The following HMGA2 variants were observed in gnomAD, a reference collection of about 807,000 sequenced individuals.
HMGA2 encodes the protein high mobility group AT-hook 2, also known as high mobility group protein HMGI-C.
A neutral mutation model predicts 19.1 loss-of-function variants in HMGA2; 8 were observed. That is an observed-to-expected ratio of 0.42 (90% confidence interval 0.25 to 0.76). The LOEUF (loss-of-function observed/expected upper bound fraction) is 0.76. Ranked by LOEUF, HMGA2 falls within the 30% of genes least tolerant of loss-of-function variation. The probability of loss-of-function intolerance (pLI) is 0.28; values close to 1 mark genes in which losing one functional copy is unlikely to be tolerated. For missense variants in HMGA2, 109 were observed against 136.3 expected, an observed-to-expected ratio of 0.80 and a Z score of 1.00; for synonymous variants, 60 against 48.8, an observed-to-expected ratio of 1.23 and a Z score of -0.96.
intron 4 of HMGA2, among the ~76,000 whole-genome samples, chr12:65,959,599 T>C (rs1876694290): frequency 1.3e-5 from 2 of 152,292 alleles, no homozygotes; most frequent in African/African-American, 4.8e-5. Context: ...ACCGTGCACT[T>C]GCACTTTGAA....
chr12:65,928,090 G>A (rs368191799), intron 3 of HMGA2, among the ~76,000 whole-genome samples: 26 of 151,846 alleles, frequency 1.7e-4, no homozygotes, highest in African/African-American at 5.6e-4. Flanking sequence ...TGTTGTGTTA[G>A]CATCAAAGAG....
intron 3 of HMGA2, among the ~76,000 whole-genome samples, chr12:65,913,931 A>G (rs888839353): frequency 6.6e-5 from 10 of 152,328 alleles, no homozygotes; most frequent in African/African-American, 2.4e-4. Context: ...CTAGGGTTGA[A>G]CACAATGTTG....
intron 1 of HMGA2, 37 bp from the exon 2 acceptor site, chr12:65,827,964 C>A: frequency 1.4e-6 from 2 of 1,426,164 alleles, no homozygotes; most frequent in Non-Finnish European, 2.0e-6. Flanking sequence ...TTCAGACATT[C>A]TTGCCACAAC....
At chr12:65,888,854 C>T (rs1240132052) in intron 3 of HMGA2, among the ~76,000 whole-genome samples, 6 of 147,106 alleles carry the variant, frequency 4.1e-5, no homozygotes, top group Non-Finnish European at 9.0e-5. Context: ...TGAGCCACGG[C>T]GCCCGGCCCC....
intron 3 of HMGA2, among the ~76,000 whole-genome samples, chr12:65,851,176 T>C (rs1378398751): frequency 6.6e-6 from 1 of 152,168 alleles, no homozygotes. Context: ...ATATCTCCAT[T>C]GTAGTTTCAG....
chr12:65,842,194 T>C (rs1871031215), intron 3 of HMGA2: 1 of 918,154 alleles, frequency 1.1e-6, no homozygotes, highest in Non-Finnish European at 1.5e-6. Context: ...GTCACTTAGC[T>C]AACTGGAGTC....
chr12:65,911,593 T>C (rs1565730006), intron 3 of HMGA2, among the ~76,000 whole-genome samples: 2 of 152,136 alleles, frequency 1.3e-5, no homozygotes. Flanking sequence ...ATTCCTTCTA[T>C]TCTCTTAGCA....
Position 65,825,613 on chromosome 12 carries a change from G to A in HMGA2, c.111+232G>A, listed in dbSNP as rs1347429039. ...AGCCGCGGCGGGCGGCCCGGGGAAG[G>A]CGGGAGGTGGGGTCGGGCGAAGCGC... On this transcript the variant is annotated intron_variant, in intron 1 of 4. Coordinates refer to ENST00000403681, the MANE Select transcript of HMGA2 (RefSeq NM_003483.6). This position sits in a 1 kb window ranked among gnomAD's most constrained non-coding sequence, Gnocchi z 4.4. Among the ~76,000 whole-genome samples, 1 of 151,726 alleles carries A rather than the reference G, an allele frequency of 6.6e-6. No homozygotes were observed. Among genetic ancestry groups the A allele is most frequent in the Non-Finnish European group, 1.5e-5 (1 of 67,860 alleles).
chr12:65,952,558 T>C, intron 4 of HMGA2: 3 of 1,371,326 alleles, frequency 2.2e-6, no homozygotes, highest in Non-Finnish European at 9.5e-7. Context: ...GCTGCTCCCA[T>C]ACCTAAAAGC....
intron 3 of HMGA2, among the ~76,000 whole-genome samples, chr12:65,900,403 A>T (rs1279507053): frequency 6.6e-6 from 1 of 152,208 alleles, no homozygotes; most frequent in Non-Finnish European, 1.5e-5. Flanking sequence ...GGTGTTTTCA[A>T]GCAAGGTAGA....
chr12:65,913,660 GT>G lies in HMGA2; in HGVS notation c.250-37721del, dbSNP rs543181798. 4.5e-3 allele frequency among the ~76,000 whole-genome samples: 690 copies of G among 152,260 alleles called. 3 individuals carry two copies. The highest frequency in any genetic ancestry group is 8.0e-3 in the Non-Finnish European group (541 of 68,022). On this transcript the variant is annotated intron_variant, in intron 3 of 4. Coordinates refer to ENST00000403681, the MANE Select transcript of HMGA2 (RefSeq NM_003483.6). ...TAATTGAAAGAATATGGACTGTGTA[GT>G]TAGACCTAGGTTTGAATCTGGGCCG...
At chr12:65,943,714 A>G (rs535751538) in intron 3 of HMGA2, among the ~76,000 whole-genome samples, 13 of 152,204 alleles carry the variant, frequency 8.5e-5, no homozygotes, top group Non-Finnish European at 1.5e-4. Context: ...GAGACTTTGT[A>G]CAGAGAACTA....
chr12:65,887,578 C>G (rs916415883), intron 3 of HMGA2, among the ~76,000 whole-genome samples: 1 of 151,952 alleles, frequency 6.6e-6, no homozygotes, highest in Non-Finnish European at 1.5e-5. Context: ...CAAAAATTGG[C>G]TGGGCATGGT....
At chr12:65,857,333 G>T (rs1871793785) in intron 3 of HMGA2, 1 of 152,186 alleles carries the variant, frequency 6.6e-6, no homozygotes, top group Admixed American at 6.5e-5. Flanking sequence ...GTGTCACAGA[G>T]CACCAGCACT....
chr12:65,894,001 G>A (rs1376831136), intron 3 of HMGA2, among the ~76,000 whole-genome samples: 1 of 152,048 alleles, frequency 6.6e-6, no homozygotes, highest in East Asian at 1.9e-4. Flanking sequence ...TACATAGAGG[G>A]GAGTAAAAAC....
Position 65,825,552 on chromosome 12 carries a change from C to T in HMGA2, c.111+171C>T, listed in dbSNP as rs1278921265. 2.0e-5 allele frequency among the ~76,000 whole-genome samples: 3 copies of T among 150,576 alleles called. No individual in the cohort carries two copies. Among genetic ancestry groups the T allele is most frequent in the Non-Finnish European group, 4.4e-5 (3 of 67,604 alleles). ...ACCCCACGAGTGCGCCGCGCGGCCC[C>T]GGGGCGCCAGCAACCCTCCGGGCGG... On this transcript the variant is annotated intron_variant, in intron 1 of 4. Coordinates refer to ENST00000403681, the MANE Select transcript of HMGA2 (RefSeq NM_003483.6). The surrounding 1 kb of genome is among the most constrained non-coding windows in gnomAD (Gnocchi z 4.4).
chr12:65,914,498 T>TGGGGGGA (rs1283503779), intron 3 of HMGA2, among the ~76,000 whole-genome samples: 1 of 60,722 alleles, frequency 1.6e-5, no homozygotes, highest in Non-Finnish European at 3.0e-5. Context: ...TGTTGTGGGG[T>TGGGGGGA]GGGGGGAGGG....
intron 3 of HMGA2, among the ~76,000 whole-genome samples, chr12:65,841,094 C>T (rs1270507095): frequency 6.6e-6 from 1 of 152,100 alleles, no homozygotes; most frequent in Admixed American, 6.5e-5. Flanking sequence ...ACCACACATC[C>T]TTAAACAGTT....
At chr12:65,920,915 T>G (rs1565733017) in intron 3 of HMGA2, among the ~76,000 whole-genome samples, 1 of 152,194 alleles carries the variant, frequency 6.6e-6, no homozygotes, top group Non-Finnish European at 1.5e-5. Flanking sequence ...AAGCAGAGAT[T>G]GGAACAGTTT....
Sources: allele counts gnomAD v4.1 joint callset (sites outside exome capture counted in the v4.1 genomes callset), GRCh38; gene constraint gnomAD v4.1.1; non-coding constraint Gnocchi (gnomAD v3.1); transcripts MANE v1.5; gene names NCBI Gene and HGNC (gene_info 2026-07-23, HGNC 2026-07-21).